Variants in AMMECR1 observed in about 807,000 individuals in gnomAD.
The protein encoded by AMMECR1 is AMMECR nuclear protein 1.
In AMMECR1, 3 loss-of-function variants were observed where a neutral mutation model predicts 22.5. The ratio of observed to expected loss-of-function variants is 0.13; its 90% confidence interval spans 0.06 to 0.35. The LOEUF (loss-of-function observed/expected upper bound fraction) is 0.35. AMMECR1 is among the 10% of genes least tolerant of loss of function. The pLI is 1.00. For synonymous variants in AMMECR1, 130 were observed against 116.7 expected, an observed-to-expected ratio of 1.11 and a Z score of -0.74; for missense variants, 235 against 278.7, an observed-to-expected ratio of 0.84 and a Z score of 1.12.
intron 2 of AMMECR1, among the ~76,000 whole-genome samples, chrX:110,367,715 G>A (rs894868354): frequency 9.0e-6 from 1 of 110,812 alleles, no homozygotes; most frequent in Non-Finnish European, 1.9e-5. Flanking sequence ...CCATTCTTCT[G>A]GTTATTTAGG....
At chrX:110,354,697 G>T (rs749258216) in intron 2 of AMMECR1, among the ~76,000 whole-genome samples, 1 of 111,998 alleles carries the variant, frequency 8.9e-6, no homozygotes, top group African/African-American at 3.2e-5. Flanking sequence ...GCAAACCCAA[G>T]TATTTATGAT....
At chrX:110,254,501 G>T (rs2148193273) in intron 2 of AMMECR1, among the ~76,000 whole-genome samples, 1 of 111,563 alleles carries the variant, frequency 9.0e-6, no homozygotes, top group East Asian at 2.8e-4. Flanking sequence ...TCCATTCTGT[G>T]TGATAGTTTT....
intron 2 of AMMECR1, among the ~76,000 whole-genome samples, chrX:110,372,101 C>A (rs1379512501): frequency 9.0e-6 from 1 of 111,576 alleles, no homozygotes; most frequent in African/African-American, 3.3e-5. Flanking sequence ...ATTCCCCCAC[C>A]TCTTTGAGAA....
intron 1 of AMMECR1, among the ~76,000 whole-genome samples, chrX:110,269,682 A>G (rs1274889528): frequency 9.0e-6 from 1 of 111,519 alleles, no homozygotes; most frequent in Non-Finnish European, 1.9e-5. Flanking sequence ...AAAATACCAT[A>G]ATTCCCCAGG....
intron 2 of AMMECR1, among the ~76,000 whole-genome samples, chrX:110,416,366 C>T (rs756086778): frequency 3.6e-4 from 40 of 112,129 alleles, no homozygotes; most frequent in African/African-American, 1.2e-3. Flanking sequence ...TTTACCATGT[C>T]CCGGGCACAT....
chrX:110,422,670 C>A (rs1456390903), intron 2 of AMMECR1, among the ~76,000 whole-genome samples: 1 of 112,356 alleles, frequency 8.9e-6, no homozygotes, highest in East Asian at 2.8e-4. Context: ...TTAAAAATGA[C>A]AACCTTGTTG....
intron 1 of AMMECR1, among the ~76,000 whole-genome samples, chrX:110,275,566 C>G (rs975494592): frequency 7.2e-5 from 8 of 111,231 alleles, no homozygotes; most frequent in African/African-American, 2.3e-4. Flanking sequence ...CATGGTGGCT[C>G]ACGCCTGTAA....
At chrX:110,235,562 C>A (rs768011157) in intron 2 of AMMECR1, among the ~76,000 whole-genome samples, 76 of 112,286 alleles carry the variant, frequency 6.8e-4, no homozygotes, top group Non-Finnish European at 1.2e-3. Flanking sequence ...TGGAACCAAC[C>A]TAAATGTCCA....
chrX:110,408,451 G>A (rs753331731), intron 2 of AMMECR1, among the ~76,000 whole-genome samples: 29 of 112,571 alleles, frequency 2.6e-4, no homozygotes, highest in Non-Finnish European at 3.8e-4. Flanking sequence ...CTAGCATCCC[G>A]AATAATTTTT....
intron 2 of AMMECR1, among the ~76,000 whole-genome samples, chrX:110,243,715 T>C (rs1009595868): frequency 2.7e-5 from 3 of 112,215 alleles, no homozygotes; most frequent in Admixed American, 9.4e-5. Flanking sequence ...GTTTGAGGAT[T>C]CAGCTGTATT....
intron 2 of AMMECR1, among the ~76,000 whole-genome samples, chrX:110,344,241 G>A (rs2068178107): frequency 1.8e-5 from 2 of 111,755 alleles, no homozygotes; most frequent in South Asian, 7.4e-4. Context: ...CAAGAAATGG[G>A]GAAAGGATTC....
chrX:110,221,313 C>T (rs1475523711), intron 2 of AMMECR1, among the ~76,000 whole-genome samples: 4 of 111,771 alleles, frequency 3.6e-5, no homozygotes, highest in African/African-American at 9.8e-5. Context: ...ACCCCAGAAA[C>T]TCAGAATACT....
chrX:110,222,619 T>G (rs1250557167), intron 2 of AMMECR1, among the ~76,000 whole-genome samples: 1 of 90,056 alleles, frequency 1.1e-5, no homozygotes, highest in East Asian at 3.3e-4. Flanking sequence ...TATCCAATTC[T>G]GGAAAAAAAA....
intron 2 of AMMECR1, among the ~76,000 whole-genome samples, chrX:110,410,756 C>T (rs1303876489): frequency 1.8e-5 from 2 of 110,975 alleles, no homozygotes; most frequent in Non-Finnish European, 3.8e-5. Flanking sequence ...AGTCACCTGT[C>T]GTTTCAAGAT....
intron 2 of AMMECR1, among the ~76,000 whole-genome samples, chrX:110,367,115 A>G (rs759667137): frequency 4.5e-5 from 5 of 112,044 alleles, no homozygotes; most frequent in Non-Finnish European, 9.4e-5. Context: ...CTACTTATGC[A>G]CTAAATTTTA....
chrX:110,344,430 G>A (rs749209252), intron 2 of AMMECR1, among the ~76,000 whole-genome samples: 7 of 111,827 alleles, frequency 6.3e-5, no homozygotes, highest in Non-Finnish European at 9.4e-5. Context: ...GGACATAGGC[G>A]TGGGCAAGGA....
At chrX:110,364,396 T>G (rs2068283631) in intron 2 of AMMECR1, among the ~76,000 whole-genome samples, 1 of 111,481 alleles carries the variant, frequency 9.0e-6, no homozygotes, top group Admixed American at 9.6e-5. Context: ...TTCAACCCAC[T>G]ATGTATAGCC....
chrX:110,317,892 G>A lies in AMMECR1; in HGVS notation c.180C>T (p.Thr60=). ...TACAGCCGCTGCCGCTACCTCCTCC[G>A]GTTAGACCTCCCAGCCCGTTGAGCC... ...GTRLNGLGGL[T]GGGSGSGCTL... The change falls in exon 1 of 6, where the codon ACC becomes ACT. Residue 60 remains threonine, a synonymous_variant. Coordinates refer to ENST00000262844, the MANE Select transcript of AMMECR1 (RefSeq NM_015365.3). The A allele has an allele frequency of 1.4e-5, 17 of 1,193,339 alleles. No homozygotes were observed. Among genetic ancestry groups the A allele is most frequent in the Non-Finnish European group, 1.8e-5 (16 of 886,469 alleles).
intron 3 of AMMECR1, among the ~76,000 whole-genome samples, chrX:110,216,316 A>T (rs2067473204): frequency 8.9e-6 from 1 of 111,753 alleles, no homozygotes; most frequent in Non-Finnish European, 1.9e-5. Flanking sequence ...CAGTTTGGGG[A>T]TTATAACAAC....
Sources: allele counts gnomAD v4.1 joint callset (sites outside exome capture counted in the v4.1 genomes callset), GRCh38; gene constraint gnomAD v4.1.1; transcripts MANE v1.5; gene names NCBI Gene and HGNC (gene_info 2026-07-23, HGNC 2026-07-21).